Variants in IQCH observed in about 807,000 individuals in gnomAD.
IQCH encodes IQ motif containing H, also known as IQ domain-containing protein H.
A neutral mutation model predicts 117.0 loss-of-function variants in IQCH; 98 were observed. The ratio of observed to expected loss-of-function variants is 0.84; its 90% CI spans 0.71 to 0.99. IQCH has a LOEUF of 0.99. Ranked by LOEUF, IQCH falls within the 50% of genes least tolerant of loss-of-function variation. The pLI, the probability that IQCH is intolerant of heterozygous loss-of-function variation, is 0.00. For missense variants in IQCH, 1,102 were observed against 1,243.8 expected (o/e 0.89, Z 1.72); for synonymous variants, 412 against 448.2 (o/e 0.92, Z 1.02).
intron 15 of IQCH, among the ~76,000 whole-genome samples, chr15:67,418,453 A>G (rs1309528632): frequency 6.6e-6 from 1 of 151,376 alleles, no homozygotes; most frequent in Non-Finnish European, 1.5e-5. Context: ...ACATGTACCC[A>G]CTGATAGACA....
At chr15:67,339,615 C>G (rs529695234) in intron 5 of IQCH, among the ~76,000 whole-genome samples, 1 of 152,302 alleles carries the variant, frequency 6.6e-6, no homozygotes, top group South Asian at 2.1e-4. Context: ...CAGATATTCA[C>G]TGGAGACTTC....
At chr15:67,267,601 G>GC (rs1296458958) in intron 3 of IQCH, among the ~76,000 whole-genome samples, 1 of 152,222 alleles carries the variant, frequency 6.6e-6, no homozygotes, top group Non-Finnish European at 1.5e-5. Flanking sequence ...AGCAGGAACT[G>GC]CCAATGCCTG....
intron 4 of IQCH, among the ~76,000 whole-genome samples, chr15:67,291,259 GA>G (rs1567069664): frequency 6.6e-6 from 1 of 152,106 alleles, no homozygotes; most frequent in African/African-American, 2.4e-5. Context: ...TCTAAAAAAC[GA>G]GTTCCAAAAA....
In IQCH at chr15:67,496,980, T is replaced by C. The variant is rs1336859726; in HGVS notation, c.2970+2614T>C. Reference sequence around the variant, plus strand: ...TTGCAGTGAGCCGAGATTGCGCCACTGCAGTCCGCAGTCCGGCCTGGGCGA... The same window carrying C: ...TTGCAGTGAGCCGAGATTGCGCCACCGCAGTCCGCAGTCCGGCCTGGGCGA... On this transcript the variant is annotated intron_variant, in intron 20 of 20. Transcript: ENST00000335894. This position sits in a 1 kb window ranked among gnomAD's most constrained non-coding sequence, Gnocchi z 4.4. Among the ~76,000 whole-genome samples the C allele has an allele frequency of 7.7e-6, 1 of 130,300 alleles. No individual in the cohort carries two copies. Among genetic ancestry groups the C allele is most frequent in the Non-Finnish European group, 1.5e-5 (1 of 65,060 alleles). 85.5% of individuals were successfully genotyped at this position (130,300 alleles called of 152,430 possible). A position where few individuals can be genotyped will look rare whatever the true frequency, so the allele number is the denominator to read the frequency against.
intron 12 of IQCH, among the ~76,000 whole-genome samples, chr15:67,394,488 T>TA (rs1251548760): frequency 1.3e-5 from 2 of 152,140 alleles, no homozygotes; most frequent in Non-Finnish European, 2.9e-5. Context: ...CCATCTCAGT[T>TA]ATGTGTTAAC....
intron 12 of IQCH, among the ~76,000 whole-genome samples, chr15:67,392,825 A>G (rs1971332315): frequency 6.6e-6 from 1 of 151,940 alleles, no homozygotes; most frequent in African/African-American, 2.4e-5. Context: ...TATGGTAGAA[A>G]AGGCATATCG....
chr15:67,371,290 G>A (rs1474153646), intron 8 of IQCH: 2 of 308,840 alleles, frequency 6.5e-6, no homozygotes, highest in Non-Finnish European at 1.2e-5. Flanking sequence ...CATAGAAAGT[G>A]TAAAGAACAA....
intron 1 of IQCH, among the ~76,000 whole-genome samples, chr15:67,259,073 T>C (rs920611320): frequency 3.3e-5 from 5 of 152,212 alleles, no homozygotes; most frequent in South Asian, 2.1e-4. Flanking sequence ...GTATTACTTA[T>C]AGTGTAAGGA....
chr15:67,427,561 T>C lies in IQCH; in HGVS notation c.2505+5984T>C, dbSNP rs2081922285. On this transcript the variant is annotated intron_variant, in intron 16 of 20. Transcript: ENST00000335894. The surrounding 1 kb of genome is among the most constrained non-coding windows in gnomAD (Gnocchi z 4.7). Reference sequence around the variant, plus strand: ...GCTATATTACCTTGAACTTATCACTTTCCCTCATTTTCAGTTTTCTCAGCT... The same window carrying C: ...GCTATATTACCTTGAACTTATCACTCTCCCTCATTTTCAGTTTTCTCAGCT... 6.6e-6 allele frequency among the ~76,000 whole-genome samples: 1 copy of C among 152,078 alleles called. No individual in the cohort carries two copies. Among genetic ancestry groups the C allele is most frequent in the South Asian group, 2.1e-4 (1 of 4,828 alleles).
chr15:67,323,822 T>C (rs1256263418), intron 4 of IQCH, among the ~76,000 whole-genome samples: 1 of 152,144 alleles, frequency 6.6e-6, no homozygotes. Flanking sequence ...AATAGCCAAT[T>C]GTCTTTGAGA....
intron 1 of IQCH, among the ~76,000 whole-genome samples, chr15:67,257,449 A>G (rs916817139): frequency 3.3e-5 from 5 of 152,164 alleles, no homozygotes; most frequent in African/African-American, 1.2e-4. Flanking sequence ...AGCTTTTTAG[A>G]CCAGTGGTTC....
intron 4 of IQCH, among the ~76,000 whole-genome samples, chr15:67,333,739 A>G (rs775710833): frequency 2.6e-5 from 4 of 152,134 alleles, no homozygotes; most frequent in Non-Finnish European, 5.9e-5. Flanking sequence ...TTCTTCTTTA[A>G]GCTTTTCTAT....
chr15:67,492,253 G>A (rs550836747), intron 19 of IQCH, among the ~76,000 whole-genome samples: 4 of 152,308 alleles, frequency 2.6e-5, no homozygotes, highest in African/African-American at 9.6e-5. Context: ...AGACAGATGG[G>A]TTAGTTAGGT....
chr15:67,332,387 A>G (rs1968704314), intron 4 of IQCH, among the ~76,000 whole-genome samples: 1 of 152,176 alleles, frequency 6.6e-6, no homozygotes, highest in Non-Finnish European at 1.5e-5. Context: ...AAATGGTGCA[A>G]TGTCTACAAA....
chr15:67,346,292 A>C (rs1002397120), intron 6 of IQCH, among the ~76,000 whole-genome samples: 7 of 152,068 alleles, frequency 4.6e-5, no homozygotes, highest in Middle Eastern at 3.2e-3. Flanking sequence ...ATATCTCACA[A>C]TAATCAATAG....
At chr15:67,488,153 A>C (rs2083545682) in intron 18 of IQCH, among the ~76,000 whole-genome samples, 1 of 152,142 alleles carries the variant, frequency 6.6e-6, no homozygotes, top group Non-Finnish European at 1.5e-5. Context: ...TCTCTACCAA[A>C]AAACATATAC....
intron 5 of IQCH, among the ~76,000 whole-genome samples, chr15:67,343,653 A>G (rs955693423): frequency 5.9e-5 from 9 of 152,206 alleles, no homozygotes; most frequent in African/African-American, 2.2e-4. Flanking sequence ...TTTCAAGTAC[A>G]CAGATTTCCT....
At chr15:67,438,910 A>G (rs1211621354) in intron 16 of IQCH, among the ~76,000 whole-genome samples, 1 of 152,220 alleles carries the variant, frequency 6.6e-6, no homozygotes, top group African/African-American at 2.4e-5. Context: ...TTCTAAAACA[A>G]TTACTAATAG....
At chr15:67,267,201 T>C (rs2140444299) in intron 3 of IQCH, among the ~76,000 whole-genome samples, 2 of 152,358 alleles carry the variant, frequency 1.3e-5, no homozygotes, top group South Asian at 4.1e-4. Flanking sequence ...TTTTTTAATA[T>C]AAACAGAAGT....
Sources: gnomAD v4.1 joint callset for allele counts (sites outside exome capture counted in the v4.1 genomes callset) on GRCh38, gnomAD v4.1.1 for gene constraint, Gnocchi (gnomAD v3.1) non-coding constraint, MANE v1.5 for transcripts, NCBI Gene and HGNC (gene_info 2026-07-23, HGNC 2026-07-21) for gene names.